ARG2: variants seen among roughly 807,000 people sequenced by gnomAD.
ARG2 encodes the protein arginase 2.
Under a neutral mutation model 39.4 loss-of-function variants are expected in ARG2, and 21 were observed. The ratio of observed to expected loss-of-function variants is 0.53; its 90% CI spans 0.38 to 0.77. The LOEUF is 0.77. Among genes scored for constraint, ARG2 ranks in the 30% least tolerant of loss-of-function variants. The probability of loss-of-function intolerance (pLI) is 0.00; values close to 1 mark genes in which losing one functional copy is unlikely to be tolerated. For missense variants in ARG2, 378 were observed against 426.2 expected (o/e 0.89, Z 1.00); for synonymous variants, 150 against 156.7 (o/e 0.96, Z 0.32).
chr14:67,646,445 T>C, intron 4 of ARG2, 199 bp from the exon 5 acceptor site: 2 of 561,734 alleles, frequency 3.6e-6, no homozygotes, highest in Non-Finnish European at 6.3e-6. Flanking sequence ...AAAGCAATAC[T>C]GTGTTCCTCA....
intron 3 of ARG2, among the ~76,000 whole-genome samples, chr14:67,644,984 CGA>C (rs2037077772): frequency 7.0e-6 from 1 of 143,872 alleles, no homozygotes; most frequent in South Asian, 2.2e-4. Context: ...GGAAACAGAG[CGA>C]GACTCCGTCT....
intron 2 of ARG2, among the ~76,000 whole-genome samples, chr14:67,622,880 G>T (rs1006062451): frequency 1.3e-5 from 2 of 152,164 alleles, no homozygotes; most frequent in African/African-American, 2.4e-5. Context: ...GCTGAATGAG[G>T]GGGAAGGGCA....
intron 2 of ARG2, among the ~76,000 whole-genome samples, chr14:67,639,687 G>A (rs8009250): frequency 0.12 from 18,947 of 152,048 alleles, 1,214 homozygotes; most frequent in East Asian, 0.14. Flanking sequence ...TTGGGAGGCC[G>A]AGGCAGGTGG....
intron 4 of ARG2, 77 bp from the exon 5 acceptor site, chr14:67,646,567 C>A: frequency 8.5e-7 from 1 of 1,183,122 alleles, no homozygotes; most frequent in Admixed American, 1.8e-5. Flanking sequence ...AGATTGCATA[C>A]CCACGGACGC....
chr14:67,644,572 A>G (rs973324548), intron 3 of ARG2, among the ~76,000 whole-genome samples: 8 of 152,238 alleles, frequency 5.3e-5, no homozygotes, highest in Non-Finnish European at 1.2e-4. Context: ...ATCTATGTCA[A>G]ATTCCTTGGT....
At chr14:67,627,256 G>GATAT (rs3070464) in intron 2 of ARG2, among the ~76,000 whole-genome samples, 15,226 of 133,184 alleles carry the variant, frequency 0.11, 921 homozygotes, top group Middle Eastern at 0.13. Context: ...TCAGTAAGGA[G>GATAT]ATATATATAT....
At chr14:67,646,522 G>A (rs535292163) in intron 4 of ARG2, 122 bp from the exon 5 acceptor site, 69 of 728,652 alleles carry the variant, frequency 9.5e-5, no homozygotes, top group Non-Finnish European at 1.5e-4. Flanking sequence ...GTCCTGTGTT[G>A]CTCTAAACTT....
chr14:67,645,850 G>T (rs531150856), intron 4 of ARG2, 48 bp downstream of exon 4: 4 of 1,599,784 alleles, frequency 2.5e-6, no homozygotes, highest in African/African-American at 2.7e-5. Flanking sequence ...GCAGGGTTTT[G>T]CTGGAGTTGG....
chr14:67,637,947 A>G lies in ARG2; in HGVS notation c.185-4239A>G, dbSNP rs139541760. On this transcript the variant is annotated intron_variant, in intron 2 of 7. Transcript: ENST00000261783. ...CCACTTTCAGGCCAGAGTCTTGAAAAGAGGAGGTGTGCTTTCTCAATGCTT... is the reference window on the plus strand; with the variant it reads ...CCACTTTCAGGCCAGAGTCTTGAAAGGAGGAGGTGTGCTTTCTCAATGCTT... Among the ~76,000 whole-genome samples, 114 of 152,336 alleles carry G rather than the reference A, an allele frequency of 7.5e-4. 1 individual carries two copies. The highest frequency in any genetic ancestry group is 2.6e-3 in the African/African-American group (109 of 41,578).
In ARG2 at chr14:67,650,999, G is replaced by A; in HGVS notation, c.*79G>A. 1.5e-6 allele frequency: 2 copies of A among 1,373,170 alleles called. No homozygotes were observed. Among genetic ancestry groups the A allele is most frequent in the Admixed American group, 3.7e-5 (2 of 54,058 alleles). The allele number at this position is 1,373,170 out of a possible 1,614,324, so 85.1% of individuals were successfully genotyped here. ...TTGAGGGGATAGATGAATACTAAAT[G>A]GTTGTCTGGGTCAATACTGCCTTAA... On this transcript the variant is annotated 3_prime_UTR_variant, in exon 8 of 8. Coordinates refer to ENST00000261783, the MANE Select transcript of ARG2 (RefSeq NM_001172.4).
chr14:67,621,854 T>C (rs1479766110), intron 2 of ARG2, among the ~76,000 whole-genome samples: 1 of 151,434 alleles, frequency 6.6e-6, no homozygotes, highest in Admixed American at 6.6e-5. Flanking sequence ...CCCAGCACTT[T>C]GGGAGGCCAA....
chr14:67,645,953 C>T (rs1482701535), intron 4 of ARG2, 151 bp downstream of exon 4: 1 of 901,246 alleles, frequency 1.1e-6, no homozygotes. Context: ...GGCAGTCTGC[C>T]AGATGCTAGG....
intron 7 of ARG2, 166 bp downstream of exon 7, chr14:67,648,349 T>C: frequency 1.5e-6 from 1 of 660,380 alleles, no homozygotes; most frequent in Non-Finnish European, 2.4e-6. Context: ...AAGGATATAG[T>C]CCTTTAGAGT....
intron 7 of ARG2, 82 bp from the exon 8 acceptor site, chr14:67,650,633 G>C: frequency 7.6e-7 from 1 of 1,322,606 alleles, no homozygotes; most frequent in Non-Finnish European, 1.1e-6. Context: ...ACTTTGGCTT[G>C]TTCTCCCTGT....
intron 2 of ARG2, among the ~76,000 whole-genome samples, chr14:67,639,888 G>A (rs2037011769): frequency 1.5e-5 from 2 of 133,480 alleles, no homozygotes; most frequent in Admixed American, 9.0e-5. Flanking sequence ...TTGTGCCACT[G>A]CACTCCAGCC....
chr14:67,623,107 G>A (rs190212547), intron 2 of ARG2, among the ~76,000 whole-genome samples: 3 of 151,970 alleles, frequency 2.0e-5, no homozygotes, highest in Admixed American at 6.6e-5. Context: ...TATCCTTACT[G>A]TGTAGCTGAC....
At chr14:67,643,616 G>A (rs2037060073) in intron 3 of ARG2, among the ~76,000 whole-genome samples, 1 of 152,290 alleles carries the variant, frequency 6.6e-6, no homozygotes, top group East Asian at 1.9e-4. Context: ...TTGAGCCCAG[G>A]AGTTTGAGGC....
intron 2 of ARG2, among the ~76,000 whole-genome samples, chr14:67,626,256 G>A: frequency 6.7e-6 from 1 of 149,442 alleles, no homozygotes; most frequent in African/African-American, 2.5e-5. Flanking sequence ...TCTGTCTCAG[G>A]GGAAAAAAAA....
chr14:67,640,861 G>A (rs1189785562), intron 2 of ARG2, among the ~76,000 whole-genome samples: 3 of 152,202 alleles, frequency 2.0e-5, no homozygotes, highest in Non-Finnish European at 4.4e-5. Flanking sequence ...GAGACAAACT[G>A]CATAGTAAAG....
Sources: gnomAD v4.1 joint callset for allele counts (sites outside exome capture counted in the v4.1 genomes callset) on GRCh38, gnomAD v4.1.1 for gene constraint, MANE v1.5 for transcripts, NCBI Gene and HGNC (gene_info 2026-07-23, HGNC 2026-07-21) for gene names.